Variants in PLAAT1 observed in about 807,000 individuals in gnomAD.
PLAAT1 encodes the protein phospholipase A and acyltransferase 1.
Under a neutral mutation model 16.4 loss-of-function variants are expected in PLAAT1, and 13 were observed. That is an observed-to-expected ratio of 0.79 (90% confidence interval 0.52 to 1.26). The LOEUF is 1.26. Among genes scored for constraint, PLAAT1 ranks in the 50% most tolerant of loss-of-function variants. The pLI is 0.00. For missense variants in PLAAT1, 218 were observed against 207.8 expected, an observed-to-expected ratio of 1.05 and a Z score of -0.30; for synonymous variants, 73 against 78.4, an observed-to-expected ratio of 0.93 and a Z score of 0.36.
At chr3:193,275,104 G>C (rs1433649791), downstream of PLAAT1, 1 of 1,614,156 alleles carries the variant, frequency 6.2e-7, no homozygotes, top group African/African-American at 1.3e-5. Context: ...TTTCTTTTTG[G>C]AATCTGTTCA....
chr3:193,271,601 G>C (rs1470643304), downstream of PLAAT1, among the ~76,000 whole-genome samples: 1 of 152,150 alleles, frequency 6.6e-6, no homozygotes, highest in Non-Finnish European at 1.5e-5. Context: ...GAGAAAGGGG[G>C]AGTGCAGCTC....
At chr3:193,247,898 T>C (rs1472652050) in intron 1 of PLAAT1, among the ~76,000 whole-genome samples, 2 of 152,208 alleles carry the variant, frequency 1.3e-5, no homozygotes, top group Admixed American at 1.3e-4. Context: ...AAAATGTATA[T>C]TCAATTGTTG....
intron 3 of PLAAT1, among the ~76,000 whole-genome samples, chr3:193,265,938 T>C (rs1369401316): frequency 6.6e-6 from 1 of 152,146 alleles, no homozygotes; most frequent in East Asian, 1.9e-4. Flanking sequence ...ACCAAGCAAT[T>C]TTTATTTGTT....
chr3:193,257,652 T>C (rs1716428492), intron 2 of PLAAT1, among the ~76,000 whole-genome samples: 1 of 152,156 alleles, frequency 6.6e-6, no homozygotes, highest in Non-Finnish European at 1.5e-5. Context: ...ATGATTGGAT[T>C]GAAGGATGCA....
downstream of PLAAT1, among the ~76,000 whole-genome samples, chr3:193,273,580 T>C (rs1365022929): frequency 1.3e-5 from 2 of 152,190 alleles, no homozygotes; most frequent in African/African-American, 4.8e-5. Context: ...AGGTACATAA[T>C]TGGCACTCAT....
intron 1 of PLAAT1, among the ~76,000 whole-genome samples, chr3:193,249,197 G>A (rs1236260954): frequency 1.3e-5 from 2 of 152,006 alleles, no homozygotes; most frequent in African/African-American, 2.4e-5. Flanking sequence ...CCCCTTTTAT[G>A]TAACAAGTTG....
intron 2 of PLAAT1, among the ~76,000 whole-genome samples, chr3:193,258,963 A>G (rs1456014278): frequency 5.3e-5 from 8 of 152,168 alleles, no homozygotes; most frequent in Admixed American, 3.3e-4. Flanking sequence ...AGAAAACTTC[A>G]GGCCAGTATT....
chr3:193,280,218 AT>A (rs974747027), downstream of PLAAT1, among the ~76,000 whole-genome samples: 1 of 151,236 alleles, frequency 6.6e-6, no homozygotes, highest in Admixed American at 6.6e-5. Flanking sequence ...GCATGGCTAA[AT>A]TTTTTTTGTA....
chr3:193,267,333 C>T (rs2108802049), intron 3 of PLAAT1, among the ~76,000 whole-genome samples: 1 of 152,188 alleles, frequency 6.6e-6, no homozygotes, highest in East Asian at 1.9e-4. Context: ...TTTTCCTGCC[C>T]TAAAACTCCT....
intron 1 of PLAAT1, among the ~76,000 whole-genome samples, chr3:193,243,718 A>G (rs1402656524): frequency 1.3e-5 from 2 of 152,214 alleles, no homozygotes; most frequent in African/African-American, 2.4e-5. Flanking sequence ...GTGCGACTTT[A>G]GGTCTGGCAC....
rs530535224 is a variant in PLAAT1 at position 193,246,345 on chromosome 3, G to T, written c.-1+4812G>T. On this transcript the variant is annotated intron_variant, in intron 1 of 3. Transcript: ENST00000264735. Reference sequence around the variant, plus strand: ...TTTTGTCGTTCATTTTGTTAATATGGTATATTTATTTATTAATGTATTTAT... The same window carrying T: ...TTTTGTCGTTCATTTTGTTAATATGTTATATTTATTTATTAATGTATTTAT... Among the ~76,000 whole-genome samples, 4 of 143,896 alleles carry T rather than the reference G, an allele frequency of 2.8e-5. No individual in the cohort carries two copies. In the South Asian group the frequency reaches 9.0e-4, roughly 32 times the overall value. 94.4% of individuals were successfully genotyped at this position (143,896 alleles called of 152,430 possible). A position where few individuals can be genotyped will look rare whatever the true frequency, so the allele number is the denominator to read the frequency against.
chr3:193,256,444 A>T (rs537205708), intron 2 of PLAAT1, among the ~76,000 whole-genome samples: 1 of 152,312 alleles, frequency 6.6e-6, no homozygotes, highest in Non-Finnish European at 1.5e-5. Flanking sequence ...ATAGTATCCC[A>T]GGTCAAGGGG....
chr3:193,249,636 A>G (rs1365498578), intron 1 of PLAAT1, among the ~76,000 whole-genome samples: 2 of 151,984 alleles, frequency 1.3e-5, no homozygotes, highest in Non-Finnish European at 2.9e-5. Flanking sequence ...TAATTCACAT[A>G]TTCTGTTTAA....
chr3:193,243,403 A>G (rs1163637537), intron 1 of PLAAT1, among the ~76,000 whole-genome samples: 2 of 152,224 alleles, frequency 1.3e-5, no homozygotes, highest in Non-Finnish European at 2.9e-5. Flanking sequence ...GAGATATTCT[A>G]ACCTCACCCG....
chr3:193,242,547 T>C (rs1159533259), intron 1 of PLAAT1, among the ~76,000 whole-genome samples: 1 of 152,170 alleles, frequency 6.6e-6, no homozygotes, highest in African/African-American at 2.4e-5. Flanking sequence ...TAGTTTGATT[T>C]GCCTAGAATG....
At chr3:193,248,347 CT>C (rs11429029) in intron 1 of PLAAT1, among the ~76,000 whole-genome samples, 12 of 150,466 alleles carry the variant, frequency 8.0e-5, no homozygotes, top group African/African-American at 2.4e-4. Flanking sequence ...ATAGTTGGGT[CT>C]TTTTTTTTAA....
At chr3:193,273,449 G>A (rs1717053630), downstream of PLAAT1, among the ~76,000 whole-genome samples, 1 of 152,168 alleles carries the variant, frequency 6.6e-6, no homozygotes, top group African/African-American at 2.4e-5. Flanking sequence ...CTGGTGGTTT[G>A]TGTAACATTT....
intron 1 of PLAAT1, among the ~76,000 whole-genome samples, chr3:193,243,870 C>G (rs570882350): frequency 1.3e-5 from 2 of 152,192 alleles, no homozygotes; most frequent in Admixed American, 1.3e-4. Context: ...CCCACTGCCT[C>G]CTCCACTTCC....
chr3:193,279,784 A>G (rs2108815190), downstream of PLAAT1, among the ~76,000 whole-genome samples: 1 of 151,972 alleles, frequency 6.6e-6, no homozygotes, highest in East Asian at 1.9e-4. Context: ...GCACCATCTC[A>G]TTCTTCCCCG....
Sources: allele counts gnomAD v4.1 joint callset (sites outside exome capture counted in the v4.1 genomes callset), GRCh38; gene constraint gnomAD v4.1.1; transcripts MANE v1.5; gene names NCBI Gene and HGNC (gene_info 2026-07-23, HGNC 2026-07-21).